RYR2: variants seen among roughly 807,000 people sequenced by gnomAD.
RYR2 encodes the protein ryanodine receptor 2, also known as cardiac muscle ryanodine receptor-calcium release channel.
RYR2 carries 227 observed loss-of-function variants against 601.1 expected under a neutral mutation model. The observed-to-expected ratio is 0.38, with a 90% CI of 0.34 to 0.42. The LOEUF (loss-of-function observed/expected upper bound fraction) is 0.42, where lower values mean the gene tolerates loss of function less well. Among genes scored for constraint, RYR2 ranks in the 10% least tolerant of loss-of-function variants. RYR2 has a pLI of 1.00. For missense variants in RYR2, 4,646 were observed against 6,156.5 expected (o/e 0.75, Z 8.21); for synonymous variants, 2,223 against 2,175.1 (o/e 1.02, Z -0.61).
intron 62 of RYR2, among the ~76,000 whole-genome samples, chr1:237,682,499 T>C (rs1440937021): frequency 5.3e-5 from 8 of 152,202 alleles, no homozygotes; most frequent in African/African-American, 1.9e-4. Context: ...TAGATATGTT[T>C]AGATATACAA....
In RYR2 at chr1:237,367,903, C is replaced by T. The variant is rs143134805; in HGVS notation, c.310-1631C>T. On this transcript the variant is annotated intron_variant, in intron 5 of 104. Transcript: ENST00000366574. ...TTACTGAGTACTTACCATGGCCTGA[C>T]CTCACGCTCATAGCTGGAGGTGAAA... Among the ~76,000 whole-genome samples the T allele has an allele frequency of 4.7e-3, 716 of 152,312 alleles. 7 individuals are homozygous for T. The highest frequency in any genetic ancestry group is 0.016 in the African/African-American group (659 of 41,564).
intron 29 of RYR2, among the ~76,000 whole-genome samples, chr1:237,569,571 A>G (rs1362746000): frequency 1.3e-5 from 2 of 152,172 alleles, no homozygotes; most frequent in Non-Finnish European, 2.9e-5. Flanking sequence ...TAAGAAAATA[A>G]ATAGCAGATA....
Position 237,741,442 on chromosome 1 carries a change from G to A in RYR2, c.11092-854G>A, listed in dbSNP as rs772368374. Among the ~76,000 whole-genome samples, 12 of 152,174 alleles carry A rather than the reference G, an allele frequency of 7.9e-5. No individual in the cohort carries two copies. The South Asian group carries it at 1.0e-3, about 13-fold the overall frequency. ...AATGCTTACCAAGCAGCAGAAATAC[G>A]TGTAAGGGTTGGAACAATCTAACTT... is the stretch of plus-strand genomic sequence containing the variant. On this transcript the variant is annotated intron_variant, in intron 79 of 104. Transcript: ENST00000366574.
At chr1:237,670,000 T>C (rs560534616) in intron 58 of RYR2, among the ~76,000 whole-genome samples, 59 of 152,094 alleles carry the variant, frequency 3.9e-4, no homozygotes, top group African/African-American at 1.3e-3. Context: ...CTGGGCACCA[T>C]TGAGCACTGA....
intron 98 of RYR2, among the ~76,000 whole-genome samples, chr1:237,805,164 AACG>A (rs1268255837): frequency 6.6e-6 from 1 of 152,240 alleles, no homozygotes; most frequent in Non-Finnish European, 1.5e-5. Context: ...GATAAATAAC[AACG>A]ACAATTCCTG....
chr1:237,407,556 G>A (rs1338576526), intron 10 of RYR2, among the ~76,000 whole-genome samples: 1 of 148,948 alleles, frequency 6.7e-6, no homozygotes, highest in East Asian at 2.0e-4. Flanking sequence ...TTTGTCATCT[G>A]TATATCTTTG....
intron 1 of RYR2, among the ~76,000 whole-genome samples, chr1:237,065,182 C>T (rs1266688230): frequency 6.6e-6 from 1 of 150,694 alleles, no homozygotes; most frequent in Non-Finnish European, 1.5e-5. Flanking sequence ...TAGTTTTATG[C>T]TATTTTATCA....
intron 12 of RYR2, among the ~76,000 whole-genome samples, chr1:237,428,901 A>G (rs1572281223): frequency 6.6e-6 from 1 of 152,280 alleles, no homozygotes; most frequent in Non-Finnish European, 1.5e-5. Context: ...ATTAGGAGAT[A>G]TCAAGTCACC....
At chr1:237,374,679 A>G in intron 6 of RYR2, 38 bp from the exon 7 acceptor site, 2 of 1,547,038 alleles carry the variant, frequency 1.3e-6, no homozygotes, top group Non-Finnish European at 1.8e-6. Flanking sequence ...CAGACGAACA[A>G]AACCTCTACT....
chr1:237,444,639 AAG>A (rs1229915192), intron 13 of RYR2, among the ~76,000 whole-genome samples: 1 of 152,168 alleles, frequency 6.6e-6, no homozygotes, highest in Non-Finnish European at 1.5e-5. Context: ...TAGGGATAGG[AAG>A]AGAGCACTAA....
chr1:237,347,854 AATATG>A (rs1267805326), intron 3 of RYR2, among the ~76,000 whole-genome samples: 1 of 152,208 alleles, frequency 6.6e-6, no homozygotes, highest in Admixed American at 6.5e-5. Context: ...TTTAAAAGGA[AATATG>A]ATTGAGGCAT....
chr1:237,651,834 G>A (rs995327525), intron 51 of RYR2, among the ~76,000 whole-genome samples: 4 of 152,030 alleles, frequency 2.6e-5, no homozygotes, highest in African/African-American at 7.2e-5. Context: ...TTAGGAGATC[G>A]AGACCATCCT....
chr1:237,804,660 A>G (rs1660406823), intron 98 of RYR2, among the ~76,000 whole-genome samples: 1 of 152,174 alleles, frequency 6.6e-6, no homozygotes. Flanking sequence ...GACTTCTACA[A>G]CAGTACCAAT....
chr1:237,603,656 C>T (rs1676768739), intron 35 of RYR2, among the ~76,000 whole-genome samples: 2 of 152,218 alleles, frequency 1.3e-5, no homozygotes, highest in Non-Finnish European at 2.9e-5. Context: ...AGTCAAGACC[C>T]ATCAGTGCTG....
intron 102 of RYR2, 70 bp downstream of exon 102, chr1:237,828,515 A>T: frequency 1.0e-6 from 1 of 1,003,330 alleles, no homozygotes; most frequent in Non-Finnish European, 1.5e-6. Flanking sequence ...TACCTTTATC[A>T]ATAGAATCAT....
chr1:237,330,882 T>C lies in RYR2; in HGVS notation c.173T>C (p.Val58Ala). The change falls in exon 3 of 105, where the codon GTG becomes GCG. Residue 58 changes from valine (V) to alanine (A), a missense_variant. Transcript: ENST00000366574. Reference protein sequence around the residue: ...FLESTSNSKNVPPDLSICTFV... With the variant: ...FLESTSNSKNAPPDLSICTFV... ...GCTCTTCCTCTTTCTGTGCAGAATG[T>C]GCCCCCAGACCTCTCCATCTGCACC... The C allele has an allele frequency of 6.2e-7, 1 of 1,613,652 alleles. No individual in the cohort carries two copies. The highest frequency in any genetic ancestry group is 8.5e-7 in the Non-Finnish European group (1 of 1,179,594).
At chr1:237,204,324 TC>T (rs1681537578) in intron 1 of RYR2, among the ~76,000 whole-genome samples, 1 of 152,312 alleles carries the variant, frequency 6.6e-6, no homozygotes, top group Non-Finnish European at 1.5e-5. Context: ...CTTTGTTATA[TC>T]AGTAGTTATC....
At chr1:237,706,240 T>G (rs1277704804) in intron 67 of RYR2, among the ~76,000 whole-genome samples, 1 of 150,692 alleles carries the variant, frequency 6.6e-6, no homozygotes, top group Non-Finnish European at 1.5e-5. Flanking sequence ...AGAGCAAGAC[T>G]CTGTCTCAGC....
chr1:237,798,957 G>T (rs548134856), intron 97 of RYR2, among the ~76,000 whole-genome samples: 1 of 152,186 alleles, frequency 6.6e-6, no homozygotes, highest in African/African-American at 2.4e-5. Flanking sequence ...CTCTTAACAT[G>T]AGTAGGGATG....
Sources: gnomAD v4.1 joint callset for allele counts (sites outside exome capture counted in the v4.1 genomes callset) on GRCh38, gnomAD v4.1.1 for gene constraint, MANE v1.5 for transcripts, NCBI Gene and HGNC (gene_info 2026-07-23, HGNC 2026-07-21) for gene names.